The following SURF2 variants were observed in gnomAD, a reference collection of about 807,000 sequenced individuals.
The protein encoded by SURF2 is surfeit locus protein 2.
Under a neutral mutation model 26.2 loss-of-function variants are expected in SURF2, and 32 were observed. That is an observed-to-expected ratio of 1.22 (90% confidence interval 0.92 to 1.64). The LOEUF (loss-of-function observed/expected upper bound fraction) is 1.64, where lower values mean the gene tolerates loss of function less well. SURF2 is among the 40% of genes most tolerant of loss of function. SURF2 has a pLI of 0.00. For synonymous variants in SURF2, 173 were observed against 139.1 expected (o/e 1.24, Z -1.71); for missense variants, 415 against 341.6 (o/e 1.21, Z -1.69).
chr9:133,357,887 C>G, intron 3 of SURF2, 73 bp downstream of exon 3: 4 of 1,470,968 alleles, frequency 2.7e-6, no homozygotes, highest in Non-Finnish European at 3.8e-6. Context: ...ATGGAGCGTG[C>G]TTGAAGGCAG....
rs2130028288 is a variant in SURF2 at position 133,356,585 on chromosome 9, C to T, written c.-8C>T. On this transcript the variant is annotated 5_prime_UTR_variant, in exon 1 of 6. Coordinates refer to ENST00000371964, the MANE Select transcript of SURF2 (RefSeq NM_017503.5). ...CTTCCGCCGGGCTGCTCCGCGGGCG[C>T]GTCGGCCATGAGCGAGTTGCCGGGC... The T allele has an allele frequency of 1.3e-6, 2 of 1,518,486 alleles. No individual in the cohort carries two copies. Among genetic ancestry groups the T allele is most frequent in the South Asian group, 1.2e-5 (1 of 82,722 alleles). The allele number at this position is 1,518,486 out of a possible 1,614,324, so 94.1% of individuals were successfully genotyped here.
intron 5 of SURF2, 126 bp from the exon 6 acceptor site, chr9:133,360,930 G>C: frequency 1.0e-6 from 1 of 969,984 alleles, no homozygotes; most frequent in Non-Finnish European, 1.6e-6. Flanking sequence ...CGGGGGTGGA[G>C]AAAGCCTCTG....
intron 2 of SURF2, 33 bp from the exon 3 acceptor site, chr9:133,357,678 T>C (rs2130035384): frequency 1.6e-5 from 25 of 1,600,242 alleles, no homozygotes; most frequent in Non-Finnish European, 2.1e-5. Context: ...TGCTGTGAAC[T>C]GTCCCTACAA....
At chr9:133,357,582 C>A in intron 2 of SURF2, 129 bp from the exon 3 acceptor site, 1 of 810,776 alleles carries the variant, frequency 1.2e-6, no homozygotes, top group Non-Finnish European at 2.0e-6. Context: ...TGGAATTGCT[C>A]CGGGAGCCTT....
chr9:133,359,721 G>T (rs1836703059), intron 3 of SURF2, among the ~76,000 whole-genome samples: 1 of 152,228 alleles, frequency 6.6e-6, no homozygotes, highest in African/African-American at 2.4e-5. Flanking sequence ...AGTGGTAAAG[G>T]CCCCGTAGAC....
At chr9:133,359,907 G>A (rs2130044652) in intron 3 of SURF2, 43 bp from the exon 4 acceptor site, 13 of 1,561,962 alleles carry the variant, frequency 8.3e-6, no homozygotes, top group African/African-American at 6.7e-5. Flanking sequence ...AGAGGACCGT[G>A]GGGGGTGTGG....
intron 3 of SURF2, 57 bp downstream of exon 3, chr9:133,357,871 C>T: frequency 6.5e-7 from 1 of 1,543,546 alleles, no homozygotes; most frequent in East Asian, 2.3e-5. Context: ...GCCCGCCTTG[C>T]CCCAGATGGA....
At chr9:133,357,859 A>G (rs1338139838) in intron 3 of SURF2, 45 bp downstream of exon 3, 2 of 1,582,790 alleles carry the variant, frequency 1.3e-6, no homozygotes, top group Admixed American at 3.4e-5. Flanking sequence ...ATCTGAGTGC[A>G]TGCCCGCCTT....
At chr9:133,357,678 T>G in intron 2 of SURF2, 33 bp from the exon 3 acceptor site, 1 of 1,600,242 alleles carries the variant, frequency 6.2e-7, no homozygotes, top group Non-Finnish European at 8.6e-7. Flanking sequence ...TGCTGTGAAC[T>G]GTCCCTACAA....
At chr9:133,361,017 C>T in intron 5 of SURF2, 39 bp from the exon 6 acceptor site, 1 of 1,609,448 alleles carries the variant, frequency 6.2e-7, no homozygotes, top group South Asian at 1.1e-5. Context: ...TCCATGGGAT[C>T]AGAAAGGCTC....
At chr9:133,360,187 G>C in intron 4 of SURF2, 58 bp downstream of exon 4, 1 of 1,592,440 alleles carries the variant, frequency 6.3e-7, no homozygotes, top group African/African-American at 1.3e-5. Context: ...GGAGCAGACT[G>C]TGGTGCTGCC....
chr9:133,360,907 G>C lies in SURF2; in HGVS notation c.688-149G>C, dbSNP rs1355165480. 3.8e-6 allele frequency: 3 copies of C among 779,870 alleles called. No individual in the cohort carries two copies. The African/African-American group carries it at 5.2e-5, about 13-fold the overall frequency. The allele number at this position is 779,870 out of a possible 1,614,324, so 48.3% of individuals were successfully genotyped here. ...CTGCTGAGCGGGGTCTAATCCTGCAGCTGTTAAGGAAACGGGGGTGGAGAA... is the reference window on the plus strand; with the variant it reads ...CTGCTGAGCGGGGTCTAATCCTGCACCTGTTAAGGAAACGGGGGTGGAGAA... On this transcript the variant is annotated intron_variant, in intron 5 of 5. Coordinates refer to ENST00000371964, the MANE Select transcript of SURF2 (RefSeq NM_017503.5).
chr9:133,359,034 T>C (rs1159724825), intron 3 of SURF2, among the ~76,000 whole-genome samples: 2 of 152,160 alleles, frequency 1.3e-5, no homozygotes, highest in African/African-American at 2.4e-5. Context: ...AGGCTTGGAC[T>C]TTTTCCAGCC....
chr9:133,357,580 C>T, intron 2 of SURF2, 131 bp from the exon 3 acceptor site: 2 of 792,834 alleles, frequency 2.5e-6, no homozygotes, highest in Non-Finnish European at 4.1e-6. Context: ...AGTGGAATTG[C>T]TCCGGGAGCC....
In SURF2 at chr9:133,360,298, C is replaced by T. The variant is rs2130049776; in HGVS notation, c.551C>T (p.Thr184Met). The part of the protein sequence containing the change: ...ELFTRKDLGS[T>M]EDGDGTDDFL... ...TTCACCAGAAAGGACCTTGGAAGCA[C>T]GGAGGATGGGGATGGCACTGATGAC... Residue 184 changes from threonine to methionine, a missense_variant, in exon 5 of 6, where the codon ACG (threonine) becomes ATG (methionine). Thr to Met is a moderately conservative substitution (Grantham distance 81). Transcript: ENST00000371964. 9.9e-6 allele frequency: 16 copies of T among 1,614,040 alleles called. No individual in the cohort carries two copies. Among genetic ancestry groups the T allele is most frequent in the Middle Eastern group, 1.6e-4 (1 of 6,062 alleles).
chr9:133,357,376 G>A, intron 2 of SURF2: 1 of 520,094 alleles, frequency 1.9e-6, no homozygotes, highest in African/African-American at 1.9e-5. Flanking sequence ...TGATTTAGCT[G>A]GGAGCTAGGC....
At position 133,357,821 on chromosome 9, in the gene SURF2, C is replaced by G; in HGVS notation, c.337+7C>G. On this transcript the variant is annotated splice_region_variant and intron_variant, in intron 3 of 5. Transcript: ENST00000371964. ...CAGCGAGCTCTGTGTAAATGTAAGT[C>G]CCAGTGGACCCCCATCAGTGCATCG... 1 of 1,612,574 alleles carries G rather than the reference C, an allele frequency of 6.2e-7. No individual in the cohort carries two copies. The highest frequency in any genetic ancestry group is 8.5e-7 in the Non-Finnish European group (1 of 1,179,562).
chr9:133,356,751 AGAGGGCAGGGGAGAGGGGAGAGGG>A, intron 1 of SURF2, 81 bp downstream of exon 1: 6 of 1,006,740 alleles, frequency 6.0e-6, no homozygotes, highest in Non-Finnish European at 8.2e-6. Context: ...AGGGGAGAGG[AGAGGGCAGGGGAGAGGGGAGAGGG>A]GAGAGCAGGA....
intron 3 of SURF2, among the ~76,000 whole-genome samples, chr9:133,358,509 C>T (rs1836670932): frequency 6.6e-6 from 1 of 152,096 alleles, no homozygotes; most frequent in Non-Finnish European, 1.5e-5. Flanking sequence ...AACAGGGACA[C>T]CCGTGCTGGA....
Sources: allele counts gnomAD v4.1 joint callset (sites outside exome capture counted in the v4.1 genomes callset), GRCh38; gene constraint gnomAD v4.1.1; transcripts MANE v1.5; gene names NCBI Gene and HGNC (gene_info 2026-07-23, HGNC 2026-07-21).